C9: variants seen among roughly 807,000 people sequenced by gnomAD.
C9 encodes the protein complement C9.
Under a neutral mutation model 65.4 loss-of-function variants are expected in C9, and 63 were observed. The ratio of observed to expected loss-of-function variants is 0.96; its 90% CI spans 0.79 to 1.19. C9 has a LOEUF of 1.19. Ranked by LOEUF, C9 falls within the 50% of genes most tolerant of loss-of-function variation. The pLI, the probability that C9 is intolerant of heterozygous loss-of-function variation, is 0.00. For missense variants in C9, 744 were observed against 670.1 expected, an observed-to-expected ratio of 1.11 and a Z score of -1.22; for synonymous variants, 229 against 227.9, an observed-to-expected ratio of 1.00 and a Z score of -0.04.
Position 39,342,156 on chromosome 5 carries a change from G to A in C9, c.118C>T (p.His40Tyr). ...CAGGGGCTCATTCTGCAGTCTATGT[G>A]TGATGCAGAGCCACTGCTTTCTGTT... ...ELTESSGSAS[H>Y]IDCRMSPWSE... The change falls in exon 2 of 11, where the codon CAC becomes TAC. Residue 40 changes from histidine (H) to tyrosine (Y), a missense_variant. Transcript: ENST00000263408. 1 of 1,608,136 alleles carries A rather than the reference G, an allele frequency of 6.2e-7. No individual in the cohort carries two copies. Among genetic ancestry groups the A allele is most frequent in the Non-Finnish European group, 8.5e-7 (1 of 1,174,538 alleles).
intron 9 of C9, among the ~76,000 whole-genome samples, chr5:39,296,154 G>A (rs1342823921): frequency 2.0e-5 from 3 of 151,406 alleles, no homozygotes; most frequent in Non-Finnish European, 4.4e-5. Context: ...AAATGCACAG[G>A]GAACAGAAGC....
At chr5:39,346,648 GGAAT>G (rs1188843995) in intron 1 of C9, among the ~76,000 whole-genome samples, 4 of 152,076 alleles carry the variant, frequency 2.6e-5, no homozygotes, top group Non-Finnish European at 4.4e-5. Context: ...AGAAAAAGAG[GGAAT>G]CCTCCCTAAC....
chr5:39,346,542 C>A (rs1230280704), intron 1 of C9, among the ~76,000 whole-genome samples: 1 of 151,970 alleles, frequency 6.6e-6, no homozygotes. Context: ...GCCTACCAAC[C>A]AAAAAAAGTC....
chr5:39,306,937 C>T, intron 8 of C9, 145 bp from the exon 9 acceptor site: 1 of 618,792 alleles, frequency 1.6e-6, no homozygotes, highest in Non-Finnish European at 2.8e-6. Flanking sequence ...GTAAATATTG[C>T]TTATGCATTT....
At chr5:39,357,524 T>C (rs978364499) in intron 1 of C9, among the ~76,000 whole-genome samples, 1 of 151,754 alleles carries the variant, frequency 6.6e-6, no homozygotes, top group African/African-American at 2.4e-5. Context: ...AAAATGTCCT[T>C]GTCATCATGA....
At chr5:39,339,651 C>G (rs1484715559) in intron 4 of C9, among the ~76,000 whole-genome samples, 5 of 57,492 alleles carry the variant, frequency 8.7e-5, no homozygotes, top group African/African-American at 7.4e-5. Context: ...TCTTTTCTCT[C>G]TTTTTTTTTT....
At chr5:39,286,698 T>A (rs1752996942) in intron 10 of C9, among the ~76,000 whole-genome samples, 1 of 142,694 alleles carries the variant, frequency 7.0e-6, no homozygotes, top group Non-Finnish European at 1.6e-5. Context: ...TACCAAGTAG[T>A]ATACATTTTT....
At chr5:39,327,099 T>C (rs973709800) in intron 5 of C9, among the ~76,000 whole-genome samples, 2 of 152,142 alleles carry the variant, frequency 1.3e-5, no homozygotes, top group Non-Finnish European at 2.9e-5. Flanking sequence ...TGCATTTATT[T>C]GTAGGAGAAG....
chr5:39,320,790 C>T (rs983005953), intron 5 of C9, among the ~76,000 whole-genome samples: 1 of 152,086 alleles, frequency 6.6e-6, no homozygotes, highest in Non-Finnish European at 1.5e-5. Context: ...AAGAACAACT[C>T]GTCACATATG....
intron 9 of C9, among the ~76,000 whole-genome samples, chr5:39,304,962 A>C (rs1753347365): frequency 1.3e-5 from 2 of 152,178 alleles, no homozygotes; most frequent in South Asian, 4.1e-4. Context: ...GTGCTGAACT[A>C]TTATTAAGAC....
chr5:39,344,853 G>C (rs1005427335), intron 1 of C9, among the ~76,000 whole-genome samples: 1 of 152,204 alleles, frequency 6.6e-6, no homozygotes, highest in African/African-American at 2.4e-5. Flanking sequence ...CCAGAAGAGA[G>C]TGGGGGCAAT....
Position 39,284,855 on chromosome 5 carries a change from A to C in C9, c.*344T>G, listed in dbSNP as rs543258490. The stretch of plus-strand genomic sequence containing the variant: ...CTGGCAGAATATGTTAACCATACAA[A>C]GCCGTTTGAAAATTACTTTGAAGTT... On this transcript the variant is annotated 3_prime_UTR_variant, in exon 11 of 11. Coordinates refer to ENST00000263408, the MANE Select transcript of C9 (RefSeq NM_001737.5). 57 of 317,942 alleles carry C rather than the reference A, an allele frequency of 1.8e-4. No individual in the cohort carries two copies. Among genetic ancestry groups the C allele is most frequent in the Non-Finnish European group, 3.3e-4 (56 of 169,778 alleles). The allele number at this position is 317,942 out of a possible 1,614,324, so 19.7% of individuals were successfully genotyped here.
chr5:39,353,752 G>A (rs1754365341), intron 1 of C9, among the ~76,000 whole-genome samples: 2 of 151,842 alleles, frequency 1.3e-5, no homozygotes, highest in African/African-American at 4.8e-5. Context: ...GATCCCCAAA[G>A]TAAGAGTTTA....
At chr5:39,353,635 A>G (rs1754363248) in intron 1 of C9, among the ~76,000 whole-genome samples, 1 of 152,186 alleles carries the variant, frequency 6.6e-6, no homozygotes, top group Non-Finnish European at 1.5e-5. Context: ...CATTGAATTA[A>G]TTATTCACTC....
intron 1 of C9, among the ~76,000 whole-genome samples, chr5:39,349,949 A>C (rs1754291210): frequency 6.6e-6 from 1 of 151,980 alleles, no homozygotes; most frequent in Non-Finnish European, 1.5e-5. Flanking sequence ...TTTCACCAGA[A>C]CTTTGGTTTT....
chr5:39,356,795 T>TC (rs1371275879), intron 1 of C9, among the ~76,000 whole-genome samples: 1 of 152,196 alleles, frequency 6.6e-6, no homozygotes, highest in Non-Finnish European at 1.5e-5. Context: ...CAACACCCCC[T>TC]CCTCAGCCCA....
At chr5:39,328,613 C>A (rs939789023) in intron 5 of C9, among the ~76,000 whole-genome samples, 2 of 152,034 alleles carry the variant, frequency 1.3e-5, no homozygotes, top group African/African-American at 4.8e-5. Context: ...CAAAATGGAT[C>A]TAGCTTGGAT....
chr5:39,334,712 C>G, intron 4 of C9, among the ~76,000 whole-genome samples: 1 of 149,814 alleles, frequency 6.7e-6, no homozygotes, highest in African/African-American at 2.5e-5. Context: ...CAGCCCCCCG[C>G]CTGGCCAGCC....
At chr5:39,342,044 C>G (rs757139751) in intron 2 of C9, 47 bp downstream of exon 2, 1 of 1,044,842 alleles carries the variant, frequency 9.6e-7, no homozygotes, top group Non-Finnish European at 1.5e-6. Context: ...GCTAGCAATA[C>G]AGTTTCCATT....
Sources: gnomAD v4.1 joint callset for allele counts (sites outside exome capture counted in the v4.1 genomes callset) on GRCh38, gnomAD v4.1.1 for gene constraint, MANE v1.5 for transcripts, NCBI Gene and HGNC (gene_info 2026-07-23, HGNC 2026-07-21) for gene names.